Variants in FOXP1 observed in about 807,000 individuals in gnomAD.
The protein encoded by FOXP1 is forkhead box protein P1.
In FOXP1, 15 loss-of-function variants were observed where a neutral mutation model predicts 98.2. That is an observed-to-expected ratio of 0.15 (90% CI 0.10 to 0.24). The LOEUF is 0.24. Among genes scored for constraint, FOXP1 ranks in the 10% least tolerant of loss-of-function variants. FOXP1 has a pLI of 1.00. For missense variants in FOXP1, 633 were observed against 848.5 expected (o/e 0.75, Z 3.15); for synonymous variants, 371 against 314.5 (o/e 1.18, Z -1.90).
chr3:71,379,398 T>C (rs563198861), intron 3 of FOXP1, among the ~76,000 whole-genome samples: 9 of 152,140 alleles, frequency 5.9e-5, no homozygotes, highest in Non-Finnish European at 1.0e-4. Context: ...TGGGTGCTGG[T>C]CTAATGCCTA....
intron 11 of FOXP1, among the ~76,000 whole-genome samples, chr3:71,029,992 T>C (rs1163888097): frequency 2.0e-5 from 3 of 152,210 alleles, no homozygotes; most frequent in Non-Finnish European, 4.4e-5. Flanking sequence ...ATATATTAAC[T>C]CATTTAATCC....
chr3:71,203,936 AGGAGGAAG>A (rs1451370669), intron 5 of FOXP1, among the ~76,000 whole-genome samples: 4 of 121,012 alleles, frequency 3.3e-5, no homozygotes, highest in Non-Finnish European at 7.0e-5. Flanking sequence ...TGGAAAAGGA[AGGAGGAAG>A]GAAGGAAGGA....
intron 3 of FOXP1, among the ~76,000 whole-genome samples, chr3:71,464,834 A>G (rs2088523879): frequency 6.6e-6 from 1 of 152,192 alleles, no homozygotes; most frequent in South Asian, 2.1e-4. Flanking sequence ...CAGAAGTGGG[A>G]AACCAGACTG....
At chr3:71,393,036 T>C (rs1459452865) in intron 3 of FOXP1, among the ~76,000 whole-genome samples, 5 of 152,192 alleles carry the variant, frequency 3.3e-5, no homozygotes, top group African/African-American at 9.6e-5. Context: ...GGCTATTTTA[T>C]TGGTGAAATT....
intron 1 of FOXP1, chr3:71,582,126 A>T (rs2048227094): frequency 1.0e-6 from 1 of 979,832 alleles, no homozygotes; most frequent in African/African-American, 1.8e-5. Context: ...GGAGGGGGGC[A>T]TGCGACTTTG....
At chr3:71,434,916 A>C (rs1248526118) in intron 3 of FOXP1, among the ~76,000 whole-genome samples, 1 of 151,952 alleles carries the variant, frequency 6.6e-6, no homozygotes, top group Non-Finnish European at 1.5e-5. Context: ...CAAACAGTTT[A>C]AAGCGCTTGG....
chr3:71,076,188 C>T (rs1325648757), intron 7 of FOXP1, among the ~76,000 whole-genome samples: 1 of 152,206 alleles, frequency 6.6e-6, no homozygotes, highest in Non-Finnish European at 1.5e-5. Flanking sequence ...AATGTAGTCC[C>T]AGCCACCCTG....
intron 2 of FOXP1, among the ~76,000 whole-genome samples, chr3:71,537,523 T>C (rs1016598834): frequency 1.3e-5 from 2 of 152,176 alleles, no homozygotes; most frequent in African/African-American, 2.4e-5. Flanking sequence ...CCTGCACAGC[T>C]AGAAGGGGCT....
chr3:71,343,515 T>A (rs1481466515), intron 4 of FOXP1, among the ~76,000 whole-genome samples: 2 of 152,010 alleles, frequency 1.3e-5, no homozygotes, highest in African/African-American at 4.8e-5. Context: ...AGATAAGTTC[T>A]TTTTTTCCCC....
At chr3:71,105,738 T>C (rs1218988721) in intron 7 of FOXP1, among the ~76,000 whole-genome samples, 2 of 152,162 alleles carry the variant, frequency 1.3e-5, no homozygotes, top group African/African-American at 4.8e-5. Context: ...GTTGATCACC[T>C]TTCTGTCCCC....
chr3:71,372,622 A>G (rs1271057494), intron 3 of FOXP1, among the ~76,000 whole-genome samples: 1 of 152,206 alleles, frequency 6.6e-6, no homozygotes, highest in Non-Finnish European at 1.5e-5. Context: ...TGCCATCTAC[A>G]GCACAATGAC....
intron 3 of FOXP1, among the ~76,000 whole-genome samples, chr3:71,390,647 G>C (rs2080964025): frequency 6.6e-6 from 1 of 152,152 alleles, no homozygotes; most frequent in African/African-American, 2.4e-5. Context: ...TCTCCAAAAA[G>C]CGAAAGGTTT....
chr3:71,392,803 T>A (rs971490596), intron 3 of FOXP1, among the ~76,000 whole-genome samples: 2 of 152,192 alleles, frequency 1.3e-5, no homozygotes, highest in African/African-American at 4.8e-5. Context: ...TAAGTGGTAT[T>A]TAAGATTGTA....
chr3:71,170,730 T>G (rs566676854), intron 6 of FOXP1, among the ~76,000 whole-genome samples: 1 of 152,330 alleles, frequency 6.6e-6, no homozygotes, highest in Admixed American at 6.5e-5. Context: ...TTGTTTCGCA[T>G]AAGCTGTTAA....
At chr3:71,121,380 G>A (rs1332486866) in intron 6 of FOXP1, among the ~76,000 whole-genome samples, 3 of 141,436 alleles carry the variant, frequency 2.1e-5, no homozygotes, top group African/African-American at 5.7e-5. Flanking sequence ...AAAAAAAAAA[G>A]GGGGGGGGGA....
intron 11 of FOXP1, among the ~76,000 whole-genome samples, chr3:71,020,721 G>A (rs1472379516): frequency 6.6e-6 from 1 of 152,140 alleles, no homozygotes. Context: ...GGCAGATTCC[G>A]AGCTTTTCCT....
chr3:71,363,015 T>C (rs1019109260), intron 3 of FOXP1, among the ~76,000 whole-genome samples: 2 of 152,208 alleles, frequency 1.3e-5, no homozygotes, highest in Non-Finnish European at 2.9e-5. Context: ...TGTAATCAAG[T>C]TCTTTGTACT....
At chr3:71,152,839 C>T (rs2060637045) in intron 6 of FOXP1, among the ~76,000 whole-genome samples, 1 of 152,210 alleles carries the variant, frequency 6.6e-6, no homozygotes, top group Admixed American at 6.5e-5. Flanking sequence ...TTCCTGTTCA[C>T]TGGCCTCAGT....
intron 6 of FOXP1, among the ~76,000 whole-genome samples, chr3:71,181,068 G>A (rs1009200322): frequency 1.5e-4 from 23 of 152,152 alleles, no homozygotes; most frequent in African/African-American, 5.1e-4. Flanking sequence ...ATAAGAATTC[G>A]TACTGAGTTC....
Sources: allele counts gnomAD v4.1 joint callset (sites outside exome capture counted in the v4.1 genomes callset), GRCh38; gene constraint gnomAD v4.1.1; transcripts MANE v1.5; gene names NCBI Gene and HGNC (gene_info 2026-07-23, HGNC 2026-07-21).